The following CDH18 variants were observed in gnomAD, a reference collection of about 807,000 sequenced individuals.
CDH18 encodes cadherin 18, also known as cadherin-18.
CDH18 carries 31 observed loss-of-function variants against 67.9 expected under a neutral mutation model. The ratio of observed to expected loss-of-function variants is 0.46; its 90% confidence interval spans 0.34 to 0.62. The LOEUF (loss-of-function observed/expected upper bound fraction) is 0.62. Ranked by LOEUF, CDH18 falls within the 20% of genes least tolerant of loss-of-function variation. The pLI is 0.01. For missense variants in CDH18, 890 were observed against 975.5 expected (o/e 0.91, Z 1.17); for synonymous variants, 362 against 347.2 (o/e 1.04, Z -0.48).
intron 9 of CDH18, among the ~76,000 whole-genome samples, chr5:19,534,853 C>T (rs1288703830): frequency 6.6e-6 from 1 of 152,098 alleles, no homozygotes; most frequent in Non-Finnish European, 1.5e-5. Context: ...CTTCAGGTCA[C>T]TCATTCTTGG....
intron 2 of CDH18, among the ~76,000 whole-genome samples, chr5:20,156,609 C>G (rs187601052): frequency 5.9e-5 from 9 of 152,098 alleles, no homozygotes; most frequent in African/African-American, 2.2e-4. Context: ...ATACTACCTA[C>G]GGAATACAAT....
At chr5:20,274,631 T>C (rs773427143) in intron 1 of CDH18, among the ~76,000 whole-genome samples, 3 of 152,114 alleles carry the variant, frequency 2.0e-5, no homozygotes, top group Non-Finnish European at 4.4e-5. Flanking sequence ...AATAAACCTG[T>C]TCTTAAAAAA....
chr5:20,359,303 A>G (rs1296427969), intron 1 of CDH18, among the ~76,000 whole-genome samples: 1 of 152,174 alleles, frequency 6.6e-6, no homozygotes, highest in Admixed American at 6.5e-5. Flanking sequence ...CTTATTTAAT[A>G]AAAATATAAA....
At chr5:20,439,213 A>G (rs905644523) in intron 1 of CDH18, among the ~76,000 whole-genome samples, 2 of 151,594 alleles carry the variant, frequency 1.3e-5, no homozygotes, top group African/African-American at 2.4e-5. Context: ...TTGATTCCCT[A>G]TAATATTCAT....
intron 10 of CDH18, among the ~76,000 whole-genome samples, chr5:19,518,217 T>C (rs1026772713): frequency 1.3e-5 from 2 of 152,148 alleles, no homozygotes; most frequent in Non-Finnish European, 2.9e-5. Context: ...AACTGCACAA[T>C]GCTTTCAAGT....
At chr5:19,804,658 C>T (rs1049476511) in intron 3 of CDH18, among the ~76,000 whole-genome samples, 1 of 152,124 alleles carries the variant, frequency 6.6e-6, no homozygotes, top group Non-Finnish European at 1.5e-5. Context: ...CCAATATAAA[C>T]ATCATTAAAA....
chr5:19,902,556 G>C (rs567632828), intron 2 of CDH18, among the ~76,000 whole-genome samples: 2 of 152,286 alleles, frequency 1.3e-5, no homozygotes, highest in South Asian at 4.1e-4. Context: ...TCTAGCCCCA[G>C]CTAAACCTCT....
At chr5:20,409,900 A>ATAAATTACTG (rs1211877574) in intron 1 of CDH18, among the ~76,000 whole-genome samples, 121 of 151,884 alleles carry the variant, frequency 8.0e-4, no homozygotes, top group South Asian at 8.3e-4. Context: ...GAAGAAACAT[A>ATAAATTACTG]TAAATTACTG....
chr5:20,014,341 A>G (rs1323017543), intron 2 of CDH18, among the ~76,000 whole-genome samples: 1 of 152,134 alleles, frequency 6.6e-6, no homozygotes, highest in Non-Finnish European at 1.5e-5. Flanking sequence ...GATAAGTATT[A>G]CTGTGATGGG....
At chr5:20,353,004 G>T (rs557593380) in intron 1 of CDH18, among the ~76,000 whole-genome samples, 112 of 152,170 alleles carry the variant, frequency 7.4e-4, no homozygotes, top group Non-Finnish European at 1.4e-3. Flanking sequence ...AGCCTTTATG[G>T]CTTCTCTCAA....
intron 10 of CDH18, among the ~76,000 whole-genome samples, chr5:19,506,381 C>T (rs1744162373): frequency 6.6e-6 from 1 of 152,138 alleles, no homozygotes; most frequent in African/African-American, 2.4e-5. Context: ...CTACCAATGA[C>T]TTTCTTCACA....
intron 1 of CDH18, among the ~76,000 whole-genome samples, chr5:20,275,622 G>T (rs1340114913): frequency 6.6e-6 from 1 of 152,074 alleles, no homozygotes; most frequent in Non-Finnish European, 1.5e-5. Context: ...GAATCATTAA[G>T]GGGGAGGTGG....
intron 1 of CDH18, among the ~76,000 whole-genome samples, chr5:20,269,035 A>G (rs181232643): frequency 6.6e-6 from 1 of 152,306 alleles, no homozygotes; most frequent in Admixed American, 6.5e-5. Context: ...CACCAACAAC[A>G]GCAAAACCAA....
At chr5:19,974,374 T>C (rs578020381) in intron 2 of CDH18, among the ~76,000 whole-genome samples, 2 of 151,576 alleles carry the variant, frequency 1.3e-5, no homozygotes, top group South Asian at 2.1e-4. Flanking sequence ...TCTACTAAAA[T>C]ATAAAGATTA....
At chr5:19,924,258 G>C (rs962364266) in intron 2 of CDH18, among the ~76,000 whole-genome samples, 1 of 152,114 alleles carries the variant, frequency 6.6e-6, no homozygotes, top group South Asian at 2.1e-4. Flanking sequence ...CATGCAGTCT[G>C]TCCTCTCCTC....
intron 1 of CDH18, chr5:20,305,562 C>T (rs1736353988): frequency 1.5e-6 from 1 of 653,806 alleles, no homozygotes; most frequent in Non-Finnish European, 2.7e-6. Context: ...GGGCTGAGGG[C>T]GCTCGGCCGC....
rs374170678 is a variant in CDH18, at chr5:20,387,135, T to C, written c.-579-131630A>G. 1.5e-3 allele frequency among the ~76,000 whole-genome samples: 222 copies of C among 152,244 alleles called. 4 individuals carry two copies. The South Asian group carries it at 0.042, about 29-fold the overall frequency. On this transcript the variant is annotated intron_variant, in intron 1 of 14. Transcript: ENST00000507958. Reference sequence around the variant, plus strand: ...AAACTACTGCCATTGTAGGCAGCCATAGACATGTAAGAATGGATATAAAAG... The same window carrying C: ...AAACTACTGCCATTGTAGGCAGCCACAGACATGTAAGAATGGATATAAAAG...
At chr5:19,605,369 T>C (rs1282993250) in intron 6 of CDH18, among the ~76,000 whole-genome samples, 1 of 151,878 alleles carries the variant, frequency 6.6e-6, no homozygotes, top group Non-Finnish European at 1.5e-5. Flanking sequence ...AATATCATGA[T>C]GTAAGATAAA....
chr5:19,493,575 G>C (rs1486849), intron 11 of CDH18, among the ~76,000 whole-genome samples: 2 of 147,782 alleles, frequency 1.4e-5, no homozygotes, highest in African/African-American at 5.0e-5. Context: ...TGTGTAAAGC[G>C]TTTGTCTTCA....
Sources: gnomAD v4.1 joint callset for allele counts (sites outside exome capture counted in the v4.1 genomes callset) on GRCh38, gnomAD v4.1.1 for gene constraint, MANE v1.5 for transcripts, NCBI Gene and HGNC (gene_info 2026-07-23, HGNC 2026-07-21) for gene names.